Variants in MSI2 observed in about 807,000 individuals in gnomAD.
MSI2 encodes the protein musashi RNA binding protein 2.
In MSI2, 17 loss-of-function variants were observed where a neutral mutation model predicts 45.6. The ratio of observed to expected loss-of-function variants is 0.37; its 90% CI spans 0.26 to 0.56. The LOEUF (loss-of-function observed/expected upper bound fraction) is 0.56. Ranked by LOEUF, MSI2 falls within the 20% of genes least tolerant of loss-of-function variation. The pLI, the probability that MSI2 is intolerant of heterozygous loss-of-function variation, is 0.77. For missense variants in MSI2, 293 were observed against 444.2 expected (o/e 0.66, Z 3.06); for synonymous variants, 156 against 158.2 (o/e 0.99, Z 0.11).
intron 7 of MSI2, among the ~76,000 whole-genome samples, chr17:57,563,098 C>CAAGA (rs2087623743): frequency 1.4e-5 from 1 of 71,272 alleles, no homozygotes; most frequent in African/African-American, 5.9e-5. Flanking sequence ...ACTTCGTCTC[C>CAAGA]AAAAAAAAAA....
intron 6 of MSI2, among the ~76,000 whole-genome samples, chr17:57,405,459 G>A (rs942210810): frequency 2.0e-5 from 3 of 152,204 alleles, no homozygotes; most frequent in Non-Finnish European, 4.4e-5. Context: ...AGTCAGTAAT[G>A]TAGAAAGTAT....
intron 5 of MSI2, among the ~76,000 whole-genome samples, chr17:57,289,508 C>G (rs1353086860): frequency 1.3e-5 from 2 of 152,052 alleles, no homozygotes; most frequent in Admixed American, 6.5e-5. Flanking sequence ...TTTTGCTTGC[C>G]AGGACTCTGC....
intron 7 of MSI2, among the ~76,000 whole-genome samples, chr17:57,575,815 G>A (rs1390809942): frequency 6.6e-6 from 1 of 152,092 alleles, no homozygotes; most frequent in Admixed American, 6.5e-5. Context: ...CCTGGTGGCA[G>A]GCGCCTGTAG....
intron 6 of MSI2, among the ~76,000 whole-genome samples, chr17:57,521,824 G>A (rs1484829144): frequency 2.6e-5 from 4 of 152,164 alleles, no homozygotes; most frequent in Non-Finnish European, 5.9e-5. Context: ...GCCTTGGTGA[G>A]CAGTCACGGC....
At position 57,640,297 on chromosome 17, in the gene MSI2, G is replaced by T. The variant is rs141454989; in HGVS notation, c.728-11802G>T. Among the ~76,000 whole-genome samples the T allele has an allele frequency of 6.2e-3, 947 of 152,224 alleles. 7 individuals are homozygous for T. Among genetic ancestry groups the T allele is most frequent in the Middle Eastern group, 0.01 (3 of 294 alleles). The stretch of plus-strand genomic sequence containing the variant: ...TTGCCTCCTGCTGTCAGATTAACCC[G>T]CCAGAGTTAAGCTCGCACTTCAGAT... On this transcript the variant is annotated intron_variant, in intron 10 of 13. Transcript: ENST00000284073.
chr17:57,454,562 A>C (rs2085078424), intron 6 of MSI2, among the ~76,000 whole-genome samples: 1 of 149,114 alleles, frequency 6.7e-6, no homozygotes, highest in African/African-American at 2.5e-5. Context: ...TCAGCCTCCT[A>C]AGTAGCTGGG....
At chr17:57,375,168 G>A (rs1157740199) in intron 5 of MSI2, among the ~76,000 whole-genome samples, 2 of 152,130 alleles carry the variant, frequency 1.3e-5, no homozygotes, top group Non-Finnish European at 2.9e-5. Flanking sequence ...TCAGACTTAT[G>A]GAAGAAGAAG....
chr17:57,626,458 C>T (rs1908815925), intron 9 of MSI2: 1 of 152,200 alleles, frequency 6.6e-6, no homozygotes, highest in Non-Finnish European at 1.5e-5. Flanking sequence ...GACTTGCCAG[C>T]TGAGTTTCTT....
At chr17:57,622,285 G>C (rs1211721599) in intron 9 of MSI2, among the ~76,000 whole-genome samples, 1 of 152,088 alleles carries the variant, frequency 6.6e-6, no homozygotes, top group Non-Finnish European at 1.5e-5. Flanking sequence ...CAGTTATCCA[G>C]CTCAATGTGA....
intron 5 of MSI2, among the ~76,000 whole-genome samples, chr17:57,364,001 C>T (rs1374595842): frequency 2.0e-5 from 3 of 152,178 alleles, no homozygotes; most frequent in Admixed American, 6.5e-5. Context: ...GCTCCATCCC[C>T]GTGCTGACCT....
At chr17:57,492,473 AG>A (rs2085893025) in intron 6 of MSI2, among the ~76,000 whole-genome samples, 1 of 152,238 alleles carries the variant, frequency 6.6e-6, no homozygotes, top group South Asian at 2.1e-4. Context: ...TGGATGGGCA[AG>A]GGAAAAACAT....
chr17:57,536,982 G>A (rs2086933743), intron 7 of MSI2, among the ~76,000 whole-genome samples: 1 of 152,204 alleles, frequency 6.6e-6, no homozygotes, highest in Non-Finnish European at 1.5e-5. Flanking sequence ...TGGTGAGAAT[G>A]GGGTAGAAAC....
chr17:57,558,555 A>T (rs1198878588), intron 7 of MSI2, among the ~76,000 whole-genome samples: 1 of 152,176 alleles, frequency 6.6e-6, no homozygotes, highest in Non-Finnish European at 1.5e-5. Context: ...TTGGAGACAC[A>T]TCCCTCCTGG....
intron 10 of MSI2, among the ~76,000 whole-genome samples, chr17:57,649,665 CA>C (rs1910981905): frequency 6.6e-6 from 1 of 152,122 alleles, no homozygotes; most frequent in Admixed American, 6.5e-5. Flanking sequence ...AACTCAGTAT[CA>C]GGGGCCTGTC....
chr17:57,466,154 C>T (rs1329846393), intron 6 of MSI2, among the ~76,000 whole-genome samples: 1 of 152,064 alleles, frequency 6.6e-6, no homozygotes, highest in African/African-American at 2.4e-5. Context: ...GGGGAGAGGC[C>T]CTGTCACTCT....
intron 13 of MSI2, among the ~76,000 whole-genome samples, chr17:57,678,089 T>C (rs1167508639): frequency 2.0e-5 from 3 of 152,312 alleles, no homozygotes; most frequent in Middle Eastern, 6.8e-3. Flanking sequence ...AGGCTGGAGA[T>C]GAACTGGCCA....
At chr17:57,645,177 C>T (rs1392058664) in intron 10 of MSI2, among the ~76,000 whole-genome samples, 1 of 152,058 alleles carries the variant, frequency 6.6e-6, no homozygotes, top group Non-Finnish European at 1.5e-5. Context: ...AGACCCGGCT[C>T]CCACCCGATT....
In MSI2 at chr17:57,256,915, C is replaced by G. The variant is rs1215270460; in HGVS notation, c.62+111C>G. The G allele has an allele frequency of 7.8e-6, 4 of 510,520 alleles. No homozygotes were observed. The East Asian group carries it at 1.6e-4, about 21-fold the overall frequency. The allele number at this position is 510,520 out of a possible 1,614,324, so 31.6% of individuals were successfully genotyped here. On this transcript the variant is annotated intron_variant, in intron 1 of 13. Transcript: ENST00000284073. ...CTCCCGCGCCCCCCCGCCTCTCCCG[C>G]GCGCCCCCCCCGTGGAAGTTACACA...
intron 7 of MSI2, among the ~76,000 whole-genome samples, chr17:57,575,690 A>T (rs1218812062): frequency 1.3e-5 from 2 of 152,158 alleles, no homozygotes; most frequent in Non-Finnish European, 2.9e-5. Context: ...TCAGGCCTGT[A>T]ATCCCAGCAC....
Sources: gnomAD v4.1 joint callset for allele counts (sites outside exome capture counted in the v4.1 genomes callset) on GRCh38, gnomAD v4.1.1 for gene constraint, MANE v1.5 for transcripts, NCBI Gene and HGNC (gene_info 2026-07-23, HGNC 2026-07-21) for gene names.